The following CADM1 variants were observed in gnomAD, a reference collection of about 807,000 sequenced individuals.
CADM1 encodes cell adhesion molecule 1, also known as TSLC-1.
In CADM1, 15 loss-of-function variants were observed where a neutral mutation model predicts 53.1. The ratio of observed to expected loss-of-function variants is 0.28; its 90% CI spans 0.19 to 0.44. The LOEUF is 0.44. CADM1 is among the 20% of genes least tolerant of loss of function. CADM1 has a pLI of 1.00. For missense variants in CADM1, 434 were observed against 611.3 expected (o/e 0.71, Z 3.06); for synonymous variants, 281 against 243.0 (o/e 1.16, Z -1.45).
chr11:115,278,532 G>T (rs1265533661), intron 1 of CADM1, among the ~76,000 whole-genome samples: 1 of 152,186 alleles, frequency 6.6e-6, no homozygotes, highest in Non-Finnish European at 1.5e-5. Context: ...GCCAGAGCCA[G>T]AAATAGAGAC....
At chr11:115,291,440 T>TGCATC (rs1324077383) in intron 1 of CADM1, among the ~76,000 whole-genome samples, 1 of 152,176 alleles carries the variant, frequency 6.6e-6, no homozygotes, top group Non-Finnish European at 1.5e-5. Context: ...ATCTAAAAGC[T>TGCATC]GCATCTTTAA....
At position 115,178,763 on chromosome 11, in the gene CADM1, C is replaced by A; in HGVS notation, c.1178G>T (p.Gly393Val). The change falls in exon 11 of 12, where the codon GGT becomes GTT. Residue 393 changes from glycine to valine, a missense_variant. Physicochemically the swap from Gly to Val is moderately radical, Grantham distance 109 (BLOSUM62 -3). Transcript: ENST00000331581. ...DSEDLSDSRAGEEGSIRAVDH... is the reference protein window; with the variant it reads ...DSEDLSDSRAVEEGSIRAVDH... ...CACTGCCCTGATCGAGCCTTCTTCA[C>A]CTGCTCGGGAATCTGTTAAAATCAG... 1 of 1,614,064 alleles carries A rather than the reference C, an allele frequency of 6.2e-7. No individual in the cohort carries two copies. The highest frequency in any genetic ancestry group is 8.5e-7 in the Non-Finnish European group (1 of 1,180,010).
At chr11:115,395,552 A>G (rs2135195766) in intron 1 of CADM1, among the ~76,000 whole-genome samples, 1 of 152,326 alleles carries the variant, frequency 6.6e-6, no homozygotes, top group East Asian at 1.9e-4. Flanking sequence ...TTTGGGTGAG[A>G]GAGCAGAAGA....
rs1555060496 is a variant in CADM1, at chr11:115,306,072, C to CACACACACACACACACA, written c.125-65653_125-65652insTGTGTGTGTGTGTGTGT. On this transcript the variant is annotated intron_variant, in intron 1 of 11. Coordinates refer to ENST00000331581, the MANE Select transcript of CADM1 (RefSeq NM_001301043.2). ...AAGGGATATTTGCAGAGGATATATACCACACACACACACACACACACACAC... is the reference window on the plus strand; with the variant it reads ...AAGGGATATTTGCAGAGGATATATACACACACACACACACACACACACACACACACACACACACACAC... Among the ~76,000 whole-genome samples the CACACACACACACACACA allele has an allele frequency of 2.2e-4, 29 of 130,432 alleles. 1 individual carries two copies. The highest frequency in any genetic ancestry group is 3.9e-3 in the Middle Eastern group (1 of 256). 85.6% of individuals were successfully genotyped at this position (130,432 alleles called of 152,430 possible).
At chr11:115,496,193 A>C (rs1350452941) in intron 1 of CADM1, among the ~76,000 whole-genome samples, 1 of 152,178 alleles carries the variant, frequency 6.6e-6, no homozygotes, top group Non-Finnish European at 1.5e-5. Flanking sequence ...AAACATAATC[A>C]TGTATAAACC....
chr11:115,272,586 A>G (rs1943329027), intron 1 of CADM1, among the ~76,000 whole-genome samples: 1 of 152,132 alleles, frequency 6.6e-6, no homozygotes, highest in Non-Finnish European at 1.5e-5. Flanking sequence ...AGCAATTTGA[A>G]GAGGACAAAC....
At chr11:115,211,100 A>T (rs1940936027) in intron 7 of CADM1, among the ~76,000 whole-genome samples, 1 of 152,166 alleles carries the variant, frequency 6.6e-6, no homozygotes, top group Admixed American at 6.5e-5. Flanking sequence ...ATTTTAAACT[A>T]CCTTTTTAAA....
At chr11:115,379,464 A>G (rs1946521961) in intron 1 of CADM1, among the ~76,000 whole-genome samples, 1 of 152,358 alleles carries the variant, frequency 6.6e-6, no homozygotes, top group South Asian at 2.1e-4. Flanking sequence ...GACCAAATGT[A>G]GTCTGATTTT....
At chr11:115,373,305 C>A (rs76313291) in intron 1 of CADM1, among the ~76,000 whole-genome samples, 1,808 of 152,172 alleles carry the variant, frequency 0.012, 27 homozygotes, top group Middle Eastern at 0.041. Flanking sequence ...TCAACCTTGG[C>A]CAGGCGCACT....
At chr11:115,429,068 G>A (rs920846949) in intron 1 of CADM1, among the ~76,000 whole-genome samples, 3 of 152,060 alleles carry the variant, frequency 2.0e-5, no homozygotes, top group Non-Finnish European at 4.4e-5. Flanking sequence ...AAAGGATGAC[G>A]AGCTGTCACC....
chr11:115,221,101 G>C (rs2134795850), intron 5 of CADM1, among the ~76,000 whole-genome samples: 1 of 152,280 alleles, frequency 6.6e-6, no homozygotes, highest in South Asian at 2.1e-4. Flanking sequence ...TAAGGCATGA[G>C]GCCAAAAGCC....
In CADM1 at chr11:115,250,163, A is replaced by C. The variant is rs889225563; in HGVS notation, c.125-9743T>G. ...CGTGATCTGCCTGCCTCAGCCTCGC[A>C]AAGTGCTGGGATTACAAGCATGAGC... On this transcript the variant is annotated intron_variant, in intron 1 of 11. Transcript: ENST00000331581. Among the ~76,000 whole-genome samples, 6 of 152,328 alleles carry C rather than the reference A, an allele frequency of 3.9e-5. 1 individual carries two copies. Among genetic ancestry groups the C allele is most frequent in the Admixed American group, 2.0e-4 (3 of 15,296 alleles).
At chr11:115,349,419 T>C (rs1162609678) in intron 1 of CADM1, among the ~76,000 whole-genome samples, 1 of 152,190 alleles carries the variant, frequency 6.6e-6, no homozygotes, top group African/African-American at 2.4e-5. Context: ...CCCAACCAAT[T>C]CTGTTCCTAA....
chr11:115,400,606 A>ATATATATAATAT (rs1266352992), intron 1 of CADM1, among the ~76,000 whole-genome samples: 1 of 137,218 alleles, frequency 7.3e-6, no homozygotes, highest in African/African-American at 2.8e-5. Context: ...TCATATATAT[A>ATATATATAATAT]ATATATATCT....
rs551979674 is a variant in CADM1, at chr11:115,448,697, A to C, written c.124+55574T>G. 1.1e-4 allele frequency among the ~76,000 whole-genome samples: 16 copies of C among 152,248 alleles called. No homozygotes were observed. In the East Asian group the frequency reaches 2.1e-3, roughly 20 times the overall value. On this transcript the variant is annotated intron_variant, in intron 1 of 11. Coordinates refer to ENST00000331581, the MANE Select transcript of CADM1 (RefSeq NM_001301043.2). The stretch of plus-strand genomic sequence containing the variant: ...GGGGTGGGGTGGAGCGCCACTCCCA[A>C]GAAAAGAAAAAGAATGGGGTTACTA...
rs869231204 is a variant in CADM1, at chr11:115,404,346, AATATATATATATATATATATATAT to A, written c.124+99901_124+99924del. ...GTCTCGGAAAAAAAAAAAAAAAAAA[AATATATATATATATATATATATAT>A]ATATATATATATATATATGGCCCAT... On this transcript the variant is annotated intron_variant, in intron 1 of 11. Transcript: ENST00000331581. 2.6e-3 allele frequency among the ~76,000 whole-genome samples: 87 copies of A among 33,786 alleles called. 9 individuals are homozygous for A. Among genetic ancestry groups the A allele is most frequent in the African/African-American group, 7.9e-3 (58 of 7,324 alleles). 22.2% of individuals were successfully genotyped at this position (33,786 alleles called of 152,430 possible). A position where few individuals can be genotyped will look rare whatever the true frequency, so the allele number is the denominator to read the frequency against.
Position 115,395,728 on chromosome 11 carries a change from C to T in CADM1, c.124+108543G>A, listed in dbSNP as rs140882770. Among the ~76,000 whole-genome samples, 18 of 152,282 alleles carry T rather than the reference C, an allele frequency of 1.2e-4. No individual in the cohort carries two copies. In the East Asian group the frequency reaches 2.5e-3, roughly 21 times the overall value. On this transcript the variant is annotated intron_variant, in intron 1 of 11. Coordinates refer to ENST00000331581, the MANE Select transcript of CADM1 (RefSeq NM_001301043.2). ...ATAAGGGGAAGGATATTAAAACTCT[C>T]TATTAAGTTCAAACATGGAAGAAGA...
intron 1 of CADM1, among the ~76,000 whole-genome samples, chr11:115,252,861 G>A (rs1050508974): frequency 5.9e-5 from 9 of 152,134 alleles, no homozygotes; most frequent in Non-Finnish European, 1.2e-4. Context: ...AAGACAAAAT[G>A]AAATAAATGA....
rs1207730910 is a variant in CADM1, at chr11:115,169,523, T to C, written c.*6951A>G. On this transcript the variant is annotated 3_prime_UTR_variant, in exon 12 of 12. Coordinates refer to ENST00000331581, the MANE Select transcript of CADM1 (RefSeq NM_001301043.2). Reference sequence around the variant, plus strand: ...GACATTTCAGTTGACAGTAATGGCATTTTCCCTTCCTTGTCCAAACGATAA... The same window carrying C: ...GACATTTCAGTTGACAGTAATGGCACTTTCCCTTCCTTGTCCAAACGATAA... The C allele has an allele frequency of 4.4e-6, 2 of 450,380 alleles. No homozygotes were observed. Among genetic ancestry groups the C allele is most frequent in the Non-Finnish European group, 8.9e-6 (2 of 224,634 alleles). 27.9% of individuals were successfully genotyped at this position (450,380 alleles called of 1,614,324 possible).
Sources: gnomAD v4.1 joint callset for allele counts (sites outside exome capture counted in the v4.1 genomes callset) on GRCh38, gnomAD v4.1.1 for gene constraint, MANE v1.5 for transcripts, NCBI Gene and HGNC (gene_info 2026-07-23, HGNC 2026-07-21) for gene names.